Variants in TMTC2 observed in about 807,000 individuals in gnomAD.
TMTC2 encodes protein O-mannosyl-transferase TMTC2.
Under a neutral mutation model 82.4 loss-of-function variants are expected in TMTC2, and 43 were observed. That is an observed-to-expected ratio of 0.52 (90% confidence interval 0.41 to 0.67). The LOEUF is 0.67. Ranked by LOEUF, TMTC2 falls within the 30% of genes least tolerant of loss-of-function variation. The probability of loss-of-function intolerance (pLI) is 0.00; values close to 1 mark genes in which losing one functional copy is unlikely to be tolerated. For missense variants in TMTC2, 919 were observed against 1,012.4 expected, an observed-to-expected ratio of 0.91 and a Z score of 1.25; for synonymous variants, 408 against 381.9, an observed-to-expected ratio of 1.07 and a Z score of -0.80.
At chr12:82,742,518 ATTC>A (rs1760722655) in intron 1 of TMTC2, among the ~76,000 whole-genome samples, 1 of 150,102 alleles carries the variant, frequency 6.7e-6, no homozygotes, top group African/African-American at 2.4e-5. Context: ...TATCCTGTAT[ATTC>A]TTTTTTTTTT....
chr12:82,800,920 C>T (rs1394875948), intron 1 of TMTC2, among the ~76,000 whole-genome samples: 1 of 152,146 alleles, frequency 6.6e-6, no homozygotes, highest in Non-Finnish European at 1.5e-5. Context: ...CAGAAACATA[C>T]ATTGGCATGC....
At chr12:82,782,480 A>G (rs928657150) in intron 1 of TMTC2, among the ~76,000 whole-genome samples, 10 of 152,138 alleles carry the variant, frequency 6.6e-5, no homozygotes, top group Admixed American at 5.9e-4. Flanking sequence ...GGATAAAGGA[A>G]GGAACAGGAA....
At chr12:82,816,024 C>T (rs1425404492) in intron 1 of TMTC2, among the ~76,000 whole-genome samples, 3 of 151,906 alleles carry the variant, frequency 2.0e-5, no homozygotes, top group Non-Finnish European at 4.4e-5. Flanking sequence ...TGTGATGGAA[C>T]ATAGTACTTG....
chr12:82,830,882 T>C (rs1869709839), intron 1 of TMTC2, among the ~76,000 whole-genome samples: 1 of 152,156 alleles, frequency 6.6e-6, no homozygotes, highest in South Asian at 2.1e-4. Flanking sequence ...AACAATACCA[T>C]ATATTTTACA....
chr12:82,910,514 G>A (rs1399943174), intron 3 of TMTC2, among the ~76,000 whole-genome samples: 1 of 152,172 alleles, frequency 6.6e-6, no homozygotes. Flanking sequence ...AGCTCAATTA[G>A]ACCCCCTTCC....
intron 1 of TMTC2, among the ~76,000 whole-genome samples, chr12:82,841,804 G>A (rs767213590): frequency 6.6e-6 from 1 of 152,276 alleles, no homozygotes; most frequent in East Asian, 1.9e-4. Flanking sequence ...ATAGGTTAGC[G>A]TTTGGCTCTC....
rs1877829883 is a variant in TMTC2, at chr12:82,780,288, A to G, written c.84-76722A>G. 2.0e-5 allele frequency among the ~76,000 whole-genome samples: 3 copies of G among 152,268 alleles called. No homozygotes were observed. The South Asian group carries it at 6.2e-4, about 32-fold the overall frequency. On this transcript the variant is annotated intron_variant, in intron 1 of 11. Coordinates refer to ENST00000321196, the MANE Select transcript of TMTC2 (RefSeq NM_152588.3). ...GAAATGAGGTTAACTGACCATTCTGATATCTAAGAAAAATAGCTTTCTCCA... is the reference window on the plus strand; with the variant it reads ...GAAATGAGGTTAACTGACCATTCTGGTATCTAAGAAAAATAGCTTTCTCCA...
At chr12:82,867,522 T>C (rs2137130794) in intron 2 of TMTC2, among the ~76,000 whole-genome samples, 1 of 152,344 alleles carries the variant, frequency 6.6e-6, no homozygotes, top group South Asian at 2.1e-4. Context: ...AAATATATCC[T>C]GAATTCCCAT....
intron 3 of TMTC2, among the ~76,000 whole-genome samples, chr12:82,920,868 C>T (rs1012935767): frequency 2.6e-5 from 4 of 152,228 alleles, no homozygotes; most frequent in African/African-American, 9.6e-5. Flanking sequence ...GATAAATATA[C>T]CAAAGTTCCC....
At chr12:82,807,384 C>A (rs1358640812) in intron 1 of TMTC2, among the ~76,000 whole-genome samples, 1 of 152,084 alleles carries the variant, frequency 6.6e-6, no homozygotes, top group African/African-American at 2.4e-5. Context: ...AGAAGGGTAA[C>A]TAGTTCCCTT....
intron 1 of TMTC2, among the ~76,000 whole-genome samples, chr12:82,690,899 T>TAA (rs1872543207): frequency 6.6e-6 from 1 of 152,110 alleles, no homozygotes; most frequent in African/African-American, 2.4e-5. Flanking sequence ...TCTGCATTCT[T>TAA]ACGCATTTGT....
chr12:83,043,291 T>A (rs531932281), intron 9 of TMTC2, among the ~76,000 whole-genome samples: 1 of 152,312 alleles, frequency 6.6e-6, no homozygotes, highest in East Asian at 1.9e-4. Flanking sequence ...AAAACCTGAC[T>A]GCTGTGTTAT....
chr12:82,744,907 C>T (rs6539685), intron 1 of TMTC2, among the ~76,000 whole-genome samples: 144,123 of 152,238 alleles, frequency 0.95, 68,713 homozygotes, highest in Non-Finnish European at 1. Context: ...AATAACTTTT[C>T]AAGTTAATGA....
At chr12:82,842,504 G>A (rs137941687) in intron 1 of TMTC2, among the ~76,000 whole-genome samples, 1 of 152,158 alleles carries the variant, frequency 6.6e-6, no homozygotes, top group Non-Finnish European at 1.5e-5. Context: ...TAGAAATATG[G>A]CTTGTACGTG....
intron 11 of TMTC2, among the ~76,000 whole-genome samples, chr12:83,083,691 T>C (rs2137507975): frequency 6.6e-6 from 1 of 152,316 alleles, no homozygotes; most frequent in Middle Eastern, 3.4e-3. Context: ...AGGGTGGACA[T>C]CTTGCAGCAC....
chr12:82,718,368 A>G (rs1347057770), intron 1 of TMTC2, among the ~76,000 whole-genome samples: 1 of 152,244 alleles, frequency 6.6e-6, no homozygotes, highest in Non-Finnish European at 1.5e-5. Flanking sequence ...GCTAGAAATC[A>G]GTTAAACCTG....
chr12:82,895,681 C>T (rs1391569094), intron 2 of TMTC2, 137 bp from the exon 3 acceptor site: 1 of 714,650 alleles, frequency 1.4e-6, no homozygotes, highest in East Asian at 2.8e-5. Flanking sequence ...AGGTGATGGA[C>T]ATGAAGTCAT....
At chr12:82,852,373 C>T (rs966512693) in intron 1 of TMTC2, among the ~76,000 whole-genome samples, 2 of 152,100 alleles carry the variant, frequency 1.3e-5, no homozygotes, top group African/African-American at 4.8e-5. Flanking sequence ...TCCCAAAGTG[C>T]TGTGATTACA....
At chr12:83,072,650 T>C (rs1883157198) in intron 11 of TMTC2, among the ~76,000 whole-genome samples, 1 of 152,154 alleles carries the variant, frequency 6.6e-6, no homozygotes, top group African/African-American at 2.4e-5. Context: ...TCTTAGTCTA[T>C]TAGTAATTGT....
Sources: gnomAD v4.1 joint callset for allele counts (sites outside exome capture counted in the v4.1 genomes callset) on GRCh38, gnomAD v4.1.1 for gene constraint, MANE v1.5 for transcripts, NCBI Gene and HGNC (gene_info 2026-07-23, HGNC 2026-07-21) for gene names.